Variants in TTC27 observed in about 807,000 individuals in gnomAD.
TTC27 encodes the protein tetratricopeptide repeat protein 27.
TTC27 carries 79 observed loss-of-function variants against 115.9 expected under a neutral mutation model. That is an observed-to-expected ratio of 0.68 (90% CI 0.57 to 0.82). The LOEUF is 0.82. Among genes scored for constraint, TTC27 ranks in the 40% least tolerant of loss-of-function variants. TTC27 has a pLI of 0.00. For missense variants in TTC27, 1,054 were observed against 993.1 expected, an observed-to-expected ratio of 1.06 and a Z score of -0.82; for synonymous variants, 401 against 356.0, an observed-to-expected ratio of 1.13 and a Z score of -1.42.
At chr2:32,650,045 T>TA in intron 4 of TTC27, 86 bp from the exon 5 acceptor site, 1 of 1,135,238 alleles carries the variant, frequency 8.8e-7, no homozygotes, top group Non-Finnish European at 1.3e-6. Context: ...TTTATGAATG[T>TA]AAAAAAATTC....
At chr2:32,694,244 A>G (rs930612619) in intron 9 of TTC27, among the ~76,000 whole-genome samples, 5 of 152,224 alleles carry the variant, frequency 3.3e-5, no homozygotes, top group Non-Finnish European at 5.9e-5. Flanking sequence ...TCTTCATAAA[A>G]ATGTGTCCTT....
Position 32,814,415 on chromosome 2 carries a change from A to G in TTC27, c.2308+1800A>G, listed in dbSNP as rs1572637557. On this transcript the variant is annotated intron_variant, in intron 18 of 19. Coordinates refer to ENST00000317907, the MANE Select transcript of TTC27 (RefSeq NM_017735.5). ...TTTAAGCGTATTTGAGTGGATGCCC[A>G]GCTTTCGTTTCTGATGATATTTTAG... Among the ~76,000 whole-genome samples the G allele has an allele frequency of 2.6e-5, 4 of 152,354 alleles. No homozygotes were observed. The South Asian group carries it at 8.3e-4, about 32-fold the overall frequency.
At chr2:32,715,010 C>G (rs1008705387) in intron 10 of TTC27, among the ~76,000 whole-genome samples, 12 of 151,860 alleles carry the variant, frequency 7.9e-5, no homozygotes, top group African/African-American at 2.7e-4. Context: ...CAAATATTTT[C>G]TCTCATTTTG....
At chr2:32,689,945 A>G (rs1443977525) in intron 9 of TTC27, among the ~76,000 whole-genome samples, 1 of 152,192 alleles carries the variant, frequency 6.6e-6, no homozygotes, top group East Asian at 1.9e-4. Flanking sequence ...TATTTTAAGT[A>G]GAATCTATAT....
intron 18 of TTC27, among the ~76,000 whole-genome samples, chr2:32,815,589 G>C (rs1006261102): frequency 1.3e-5 from 2 of 152,080 alleles, no homozygotes; most frequent in Non-Finnish European, 2.9e-5. Context: ...ATGCCTTTTG[G>C]AAATGGGATT....
At chr2:32,743,927 C>T (rs1668731734) in intron 12 of TTC27, among the ~76,000 whole-genome samples, 3 of 152,182 alleles carry the variant, frequency 2.0e-5, no homozygotes, top group African/African-American at 7.2e-5. Flanking sequence ...TGTTTAGTAT[C>T]TGAAGGACCT....
chr2:32,757,393 G>A lies in TTC27; in HGVS notation c.1453-899G>A, dbSNP rs530785466. Among the ~76,000 whole-genome samples the A allele has an allele frequency of 3.9e-5, 6 of 152,260 alleles. No homozygotes were observed. In the East Asian group the frequency reaches 9.6e-4, roughly 24 times the overall value. ...GGTGCCTTTCCTTGAGGACCCCAGA[G>A]GGCCAGTGAAGCAGTGTTCCCCTTT... On this transcript the variant is annotated intron_variant, in intron 12 of 19. Transcript: ENST00000317907.
intron 12 of TTC27, among the ~76,000 whole-genome samples, chr2:32,753,901 C>T (rs1001071028): frequency 1.3e-5 from 2 of 151,922 alleles, no homozygotes; most frequent in Non-Finnish European, 2.9e-5. Flanking sequence ...TGGTGAAACT[C>T]CCTCTCTACT....
intron 3 of TTC27, among the ~76,000 whole-genome samples, chr2:32,639,305 G>T (rs950326551): frequency 3.3e-5 from 5 of 152,122 alleles, no homozygotes; most frequent in Non-Finnish European, 7.3e-5. Flanking sequence ...CTATTGTATG[G>T]AGCTGTTAAA....
intron 9 of TTC27, among the ~76,000 whole-genome samples, chr2:32,701,904 G>A (rs529399656): frequency 2.0e-4 from 30 of 151,702 alleles, no homozygotes; most frequent in Non-Finnish European, 3.7e-4. Flanking sequence ...CAAGCTACTC[G>A]GGTAGCTGAG....
chr2:32,691,556 C>T (rs1559208071), intron 9 of TTC27, among the ~76,000 whole-genome samples: 1 of 152,072 alleles, frequency 6.6e-6, no homozygotes, highest in Non-Finnish European at 1.5e-5. Context: ...ACCTCAGCCT[C>T]CCAAAGTGGG....
intron 10 of TTC27, among the ~76,000 whole-genome samples, chr2:32,732,022 TTTTATTA>T (rs1199365940): frequency 6.7e-6 from 1 of 149,582 alleles, no homozygotes; most frequent in African/African-American, 2.5e-5. Flanking sequence ...TTGCTTTTGT[TTTTATTA>T]TTAATGGAGA....
chr2:32,766,500 AG>A lies in TTC27; in HGVS notation c.1680+7983del, dbSNP rs138481872. 8.9e-3 allele frequency: 4,051 copies of A among 457,398 alleles called. 37 individuals are homozygous for A. The highest frequency in any genetic ancestry group is 0.014 in the Middle Eastern group (35 of 2,444). The allele number at this position is 457,398 out of a possible 1,614,324, so 28.3% of individuals were successfully genotyped here. On this transcript the variant is annotated intron_variant, in intron 13 of 19. Transcript: ENST00000317907. ...GGAGGCCTGAGGAGAGGGAGAAGAT[AG>A]GAGAGTAGCTGGTCAGTGGAGCAGT...
In TTC27 at chr2:32,685,015, CTTTT is replaced by C. The variant is rs70938361; in HGVS notation, c.1119+6112_1119+6115del. Among the ~76,000 whole-genome samples the C allele has an allele frequency of 7.7e-5, 9 of 116,312 alleles. No individual in the cohort carries two copies. The East Asian group carries it at 1.3e-3, about 16-fold the overall frequency. The allele number at this position is 116,312 out of a possible 152,430, so 76.3% of individuals were successfully genotyped here. On this transcript the variant is annotated intron_variant, in intron 9 of 19. Transcript: ENST00000317907. ...ACTAATTGCTCTGCTTTGCCTTTTC[CTTTT>C]TTTTTTTTTTTTTTTTTTAATTTTA...
At chr2:32,709,890 C>T (rs754870257) in intron 10 of TTC27, among the ~76,000 whole-genome samples, 96 of 152,194 alleles carry the variant, frequency 6.3e-4, no homozygotes, top group Non-Finnish European at 1.1e-3. Context: ...ATTCAGTTTA[C>T]ACTAAAACTG....
chr2:32,654,159 A>G (rs1056446021), intron 5 of TTC27, among the ~76,000 whole-genome samples: 1 of 152,244 alleles, frequency 6.6e-6, no homozygotes, highest in Admixed American at 6.5e-5. Flanking sequence ...CCCAAGAACC[A>G]GCACAATGAT....
rs1559182258 is a variant in TTC27, at chr2:32,640,318, G to A, written c.445G>A (p.Glu149Lys). ...TCTGAGCCTGCTCACTCTAGATGGT[G>A]AATCAATCTACAGCCTGACCTCGAA... ...FVLSLLTLDG[E>K]SIYSLTSKPI... The change falls in exon 4 of 20, where the codon GAA becomes AAA. Residue 149 changes from glutamate to lysine, a missense_variant. Physicochemically the swap from Glu to Lys is moderately conservative, Grantham distance 56. Transcript: ENST00000317907. 6.2e-7 allele frequency: 1 copy of A among 1,614,066 alleles called. No individual in the cohort carries two copies. Among genetic ancestry groups the A allele is most frequent in the Non-Finnish European group, 8.5e-7 (1 of 1,179,970 alleles).
intron 5 of TTC27, 41 bp downstream of exon 5, chr2:32,650,274 G>T: frequency 7.0e-7 from 1 of 1,432,630 alleles, no homozygotes; most frequent in South Asian, 1.2e-5. Flanking sequence ...ATGTAGCTCA[G>T]TTCTAATTAC....
At chr2:32,648,430 C>G (rs950537313) in intron 4 of TTC27, among the ~76,000 whole-genome samples, 2 of 117,492 alleles carry the variant, frequency 1.7e-5, no homozygotes, top group African/African-American at 6.7e-5. Flanking sequence ...GCACCTGGCA[C>G]CCCCCCTTTT....
Sources: gnomAD v4.1 joint callset for allele counts (sites outside exome capture counted in the v4.1 genomes callset) on GRCh38, gnomAD v4.1.1 for gene constraint, MANE v1.5 for transcripts, NCBI Gene and HGNC (gene_info 2026-07-23, HGNC 2026-07-21) for gene names.